DNAJC1: variants seen among roughly 807,000 people sequenced by gnomAD.
DNAJC1 encodes DnaJ heat shock protein family (Hsp40) member C1, also known as dnaJ homolog subfamily C member 1.
DNAJC1 carries 58 observed loss-of-function variants against 76.6 expected under a neutral mutation model. That is an observed-to-expected ratio of 0.76 (90% confidence interval 0.61 to 0.94). The LOEUF is 0.94. Ranked by LOEUF, DNAJC1 falls within the 40% of genes least tolerant of loss-of-function variation. The pLI is 0.00. For synonymous variants in DNAJC1, 258 were observed against 267.9 expected, an observed-to-expected ratio of 0.96 and a Z score of 0.36; for missense variants, 689 against 677.3, an observed-to-expected ratio of 1.02 and a Z score of -0.19.
chr10:21,806,144 T>G, intron 8 of DNAJC1, 45 bp from the exon 9 acceptor site: 9 of 1,547,818 alleles, frequency 5.8e-6, no homozygotes, highest in Non-Finnish European at 7.9e-6. Context: ...TGGGAGAAAA[T>G]AAAAAGATAA....
At chr10:21,777,156 T>A (rs1834462993) in intron 9 of DNAJC1, among the ~76,000 whole-genome samples, 1 of 152,158 alleles carries the variant, frequency 6.6e-6, no homozygotes, top group Non-Finnish European at 1.5e-5. Flanking sequence ...TTAATAGTAT[T>A]CAAAGTGTAT....
intron 8 of DNAJC1, 50 bp from the exon 9 acceptor site, chr10:21,806,149 A>C: frequency 6.5e-7 from 1 of 1,540,912 alleles, no homozygotes; most frequent in Non-Finnish European, 8.8e-7. Flanking sequence ...GAAAATAAAA[A>C]GATAATTGGA....
intron 1 of DNAJC1, among the ~76,000 whole-genome samples, chr10:22,000,675 C>T (rs181204374): frequency 1.8e-4 from 28 of 152,328 alleles, no homozygotes; most frequent in Admixed American, 1.8e-3. Context: ...GACAGTAATA[C>T]AAGGTGGGGC....
intron 1 of DNAJC1, among the ~76,000 whole-genome samples, chr10:21,959,238 C>T (rs1164074536): frequency 6.6e-6 from 1 of 151,950 alleles, no homozygotes; most frequent in African/African-American, 2.4e-5. Context: ...AATTCTCTTG[C>T]CTTAGCCTCC....
At chr10:21,760,831 G>T (rs1334984333) in intron 10 of DNAJC1, among the ~76,000 whole-genome samples, 1 of 152,172 alleles carries the variant, frequency 6.6e-6, no homozygotes, top group African/African-American at 2.4e-5. Flanking sequence ...CTTAGAGGAG[G>T]TTCTCCTATG....
At chr10:21,766,114 A>G (rs1834297196) in intron 10 of DNAJC1, 147 bp downstream of exon 10, 2 of 681,584 alleles carry the variant, frequency 2.9e-6, no homozygotes, top group East Asian at 2.5e-5. Flanking sequence ...TGGTGCCCGT[A>G]TTTCAACCCT....
Position 21,759,576 on chromosome 10 carries a change from G to T in DNAJC1, c.1190C>A (p.Ser397Tyr), listed in dbSNP as rs1288095172. 6.2e-7 allele frequency: 1 copy of T among 1,614,002 alleles called. No individual in the cohort carries two copies. The highest frequency in any genetic ancestry group is 1.3e-5 in the African/African-American group (1 of 74,938). ...GGTGGTGGCCGTTTTGATGGGCCTG[G>T]AATTCTGAACTGTCGATTTGAGTTC... ...LSELKSTVQN[S>Y]RPIKTATTLP... Residue 397 changes from serine (S) to tyrosine (Y), a missense_variant, in exon 11 of 12, where the codon TCC becomes TAC. Coordinates refer to ENST00000376980, the MANE Select transcript of DNAJC1 (RefSeq NM_022365.4).
At chr10:21,862,404 T>C (rs570057613) in intron 8 of DNAJC1, among the ~76,000 whole-genome samples, 71 of 151,862 alleles carry the variant, frequency 4.7e-4, no homozygotes, top group Non-Finnish European at 9.0e-4. Flanking sequence ...GAAAGATTTC[T>C]GTAAAATACC....
chr10:21,788,896 AG>A (rs1834646106), intron 9 of DNAJC1, among the ~76,000 whole-genome samples: 1 of 152,150 alleles, frequency 6.6e-6, no homozygotes, highest in South Asian at 2.1e-4. Context: ...ATGAGCTGCT[AG>A]AAGGTGCCTC....
chr10:21,825,201 A>G (rs957665895), intron 8 of DNAJC1, among the ~76,000 whole-genome samples: 2 of 152,208 alleles, frequency 1.3e-5, no homozygotes, highest in African/African-American at 2.4e-5. Flanking sequence ...CTGAAACTCT[A>G]TACTTATTAA....
At chr10:21,811,335 A>G (rs553469185) in intron 8 of DNAJC1, among the ~76,000 whole-genome samples, 1 of 152,288 alleles carries the variant, frequency 6.6e-6, no homozygotes, top group East Asian at 1.9e-4. Flanking sequence ...ACTTCTCATT[A>G]CAAATTGTAT....
chr10:21,880,193 T>C (rs576231937), intron 8 of DNAJC1, among the ~76,000 whole-genome samples: 1 of 152,314 alleles, frequency 6.6e-6, no homozygotes, highest in South Asian at 2.1e-4. Flanking sequence ...CCACTTCTAA[T>C]TCTAGTTCTC....
chr10:21,830,257 T>C (rs759168319), intron 8 of DNAJC1, among the ~76,000 whole-genome samples: 7 of 152,224 alleles, frequency 4.6e-5, no homozygotes, highest in African/African-American at 7.2e-5. Flanking sequence ...CTGAAGCACA[T>C]CCTTAAGTAG....
At chr10:21,998,431 C>T (rs1364249293) in intron 1 of DNAJC1, among the ~76,000 whole-genome samples, 1 of 150,016 alleles carries the variant, frequency 6.7e-6, no homozygotes, top group African/African-American at 2.5e-5. Context: ...TTGCCACTGA[C>T]CCCACAAGAA....
rs1215074755 is a variant in DNAJC1, at chr10:22,003,684, C to A, written c.-250G>T. 2 of 393,188 alleles carry A rather than the reference C, an allele frequency of 5.1e-6. No individual in the cohort carries two copies. The highest frequency in any genetic ancestry group is 8.8e-6 in the Non-Finnish European group (2 of 227,218). 24.4% of individuals were successfully genotyped at this position (393,188 alleles called of 1,614,324 possible). A position where few individuals can be genotyped will look rare whatever the true frequency, so the allele number is the denominator to read the frequency against. On this transcript the variant is annotated 5_prime_UTR_variant, in exon 1 of 12. Coordinates refer to ENST00000376980, the MANE Select transcript of DNAJC1 (RefSeq NM_022365.4). ...CGTTCCGAAGACCCTCGCCCCCAGGCCTACACACAGCTGTAGAGGCAGCGC... is the reference window on the plus strand; with the variant it reads ...CGTTCCGAAGACCCTCGCCCCCAGGACTACACACAGCTGTAGAGGCAGCGC...
At chr10:21,900,127 G>A (rs1331170499) in intron 7 of DNAJC1, among the ~76,000 whole-genome samples, 1 of 152,126 alleles carries the variant, frequency 6.6e-6, no homozygotes, top group Non-Finnish European at 1.5e-5. Flanking sequence ...TGGATCACCT[G>A]AGGTCAGGAG....
At chr10:21,815,813 T>A (rs1835066004) in intron 8 of DNAJC1, among the ~76,000 whole-genome samples, 1 of 151,760 alleles carries the variant, frequency 6.6e-6, no homozygotes, top group South Asian at 2.1e-4. Flanking sequence ...TGGTGTGAAC[T>A]TGGCGCACTA....
intron 1 of DNAJC1, among the ~76,000 whole-genome samples, chr10:21,987,706 A>C (rs999153894): frequency 6.6e-6 from 1 of 152,222 alleles, no homozygotes; most frequent in African/African-American, 2.4e-5. Flanking sequence ...TATCTCATAA[A>C]CATGAAAACA....
intron 7 of DNAJC1, among the ~76,000 whole-genome samples, chr10:21,884,762 T>G (rs936876694): frequency 1.3e-5 from 2 of 152,286 alleles, no homozygotes; most frequent in South Asian, 4.1e-4. Flanking sequence ...GGGCTACATA[T>G]AGAGAATCAG....
Sources: gnomAD v4.1 joint callset for allele counts (sites outside exome capture counted in the v4.1 genomes callset) on GRCh38, gnomAD v4.1.1 for gene constraint, MANE v1.5 for transcripts, NCBI Gene and HGNC (gene_info 2026-07-23, HGNC 2026-07-21) for gene names.